FBXO40: variants seen among roughly 807,000 people sequenced by gnomAD.
FBXO40 encodes the protein F-box protein 40.
Under a neutral mutation model 49.9 loss-of-function variants are expected in FBXO40, and 50 were observed. The ratio of observed to expected loss-of-function variants is 1.00; its 90% CI spans 0.80 to 1.27. The LOEUF (loss-of-function observed/expected upper bound fraction) is 1.27, where lower values mean the gene tolerates loss of function less well. FBXO40 is among the 50% of genes most tolerant of loss of function. FBXO40 has a pLI of 0.00. For synonymous variants in FBXO40, 340 were observed against 320.2 expected, an observed-to-expected ratio of 1.06 and a Z score of -0.66; for missense variants, 895 against 870.1, an observed-to-expected ratio of 1.03 and a Z score of -0.36.
At chr3:121,618,386 G>GTTTTTT (rs34900150) in intron 1 of FBXO40, among the ~76,000 whole-genome samples, 2 of 120,266 alleles carry the variant, frequency 1.7e-5, no homozygotes, top group Non-Finnish European at 3.3e-5. Flanking sequence ...TTTCCTTCTT[G>GTTTTTT]TTTTTTTTTT....
chr3:121,621,719 T>C lies in FBXO40; in HGVS notation c.290T>C (p.Met97Thr), dbSNP rs2049032187. 1 of 1,614,216 alleles carries C rather than the reference T, an allele frequency of 6.2e-7. No individual in the cohort carries two copies. The highest frequency in any genetic ancestry group is 8.5e-7 in the Non-Finnish European group (1 of 1,180,018). Residue 97 changes from methionine to threonine, a missense_variant, in exon 3 of 4, where the codon ATG becomes ACG. Met to Thr is a moderately conservative substitution (Grantham distance 81). Coordinates refer to ENST00000338040, the MANE Select transcript of FBXO40 (RefSeq NM_016298.4). ...VCPASVVCCS[M>T]EWNRWPNVDS... ...CCCGCCAGCGTGGTCTGCTGCTCCA[T>C]GGAGTGGAACCGCTGGCCAAATGTG...
In FBXO40 at chr3:121,621,435, G is replaced by A. The variant is rs771915884; in HGVS notation, c.6G>A (p.Gly2=). Residue 2 remains glycine (G), a splice_region_variant and synonymous_variant, in exon 3 of 4, where the codon GGG becomes GGA. Coordinates refer to ENST00000338040, the MANE Select transcript of FBXO40 (RefSeq NM_016298.4). The stretch of plus-strand genomic sequence containing the variant: ...CCCCCTGTCCTTGGTGTGTCCAGGG[G>A]AAAGCCCGCAGATCCCCGCCAGGGC... The part of the protein sequence containing the change: M[G]KARRSPPGHH... 6.2e-7 allele frequency: 1 copy of A among 1,611,538 alleles called. No individual in the cohort carries two copies. Among genetic ancestry groups the A allele is most frequent in the Non-Finnish European group, 8.5e-7 (1 of 1,178,596 alleles).
chr3:121,619,689 A>AT (rs1474840061), intron 1 of FBXO40, among the ~76,000 whole-genome samples: 2 of 152,238 alleles, frequency 1.3e-5, no homozygotes, highest in African/African-American at 4.8e-5. Flanking sequence ...GCATTATGGG[A>AT]TAGGTACTAT....
chr3:121,614,181 C>T (rs1420276712), intron 1 of FBXO40, among the ~76,000 whole-genome samples: 5 of 150,152 alleles, frequency 3.3e-5, no homozygotes, highest in African/African-American at 4.9e-5. Context: ...GCAGGAGAAT[C>T]GCTTGAATCC....
chr3:121,616,084 C>T (rs1007515854), intron 1 of FBXO40, among the ~76,000 whole-genome samples: 1 of 152,200 alleles, frequency 6.6e-6, no homozygotes, highest in African/African-American at 2.4e-5. Context: ...GTCCAACCCT[C>T]TCAGCCACCC....
intron 1 of FBXO40, among the ~76,000 whole-genome samples, chr3:121,612,333 G>A (rs1000003261): frequency 1.3e-5 from 2 of 152,302 alleles, no homozygotes; most frequent in South Asian, 2.1e-4. Flanking sequence ...TTTGGGGAAC[G>A]AATGTAAGAC....
intron 1 of FBXO40, among the ~76,000 whole-genome samples, chr3:121,615,892 T>C (rs2048995108): frequency 1.3e-5 from 2 of 152,168 alleles, no homozygotes; most frequent in Non-Finnish European, 2.9e-5. Context: ...TGTGAGTGCC[T>C]CGCTATTCAC....
rs147922715 is a variant in FBXO40 at position 121,623,321 on chromosome 3, C to A, written c.1892C>A (p.Thr631Asn). The change falls in exon 3 of 4, where the codon ACC (threonine) becomes AAC (asparagine). Residue 631 changes from threonine to asparagine, a missense_variant. Physicochemically the swap from Thr to Asn is moderately conservative, Grantham distance 65. Transcript: ENST00000338040. The part of the protein sequence containing the change: ...WKKKRYSHGG[T>N]SWRVHREIWQ... ...AAAAAGAGGTATTCCCATGGAGGCACCTCCTGGAGAGTCCACAGAGAGGTA... is the reference window on the plus strand; with the variant it reads ...AAAAAGAGGTATTCCCATGGAGGCAACTCCTGGAGAGTCCACAGAGAGGTA... 6.2e-7 allele frequency: 1 copy of A among 1,613,978 alleles called. No individual in the cohort carries two copies. The highest frequency in any genetic ancestry group is 8.5e-7 in the Non-Finnish European group (1 of 1,179,896).
At chr3:121,624,880 A>T (rs1254975261) in intron 3 of FBXO40, among the ~76,000 whole-genome samples, 1 of 151,364 alleles carries the variant, frequency 6.6e-6, no homozygotes, top group African/African-American at 2.4e-5. Context: ...TCATTCCTTT[A>T]AAAAAAAATC....
intron 3 of FBXO40, among the ~76,000 whole-genome samples, chr3:121,625,419 T>G (rs888012004): frequency 1.3e-5 from 2 of 152,212 alleles, no homozygotes; most frequent in Admixed American, 1.3e-4. Flanking sequence ...GTCTAAAACA[T>G]TTTGTATGTT....
At chr3:121,597,721 GCA>G (rs2048879666) in intron 1 of FBXO40, among the ~76,000 whole-genome samples, 1 of 148,410 alleles carries the variant, frequency 6.7e-6, no homozygotes. Context: ...GAGTGCAGTG[GCA>G]TGATCTTGGC....
At chr3:121,606,837 C>T (rs1560128427) in intron 1 of FBXO40, among the ~76,000 whole-genome samples, 2 of 152,130 alleles carry the variant, frequency 1.3e-5, no homozygotes. Flanking sequence ...ATTGGGGTCT[C>T]CATGCAGAAT....
intron 1 of FBXO40, among the ~76,000 whole-genome samples, chr3:121,611,756 C>A (rs190065942): frequency 0.018 from 2,751 of 152,368 alleles, 50 homozygotes; most frequent in Middle Eastern, 0.092. Flanking sequence ...TTGGACAATA[C>A]CCCGCTTTCA....
At chr3:121,600,194 ATTTTTTTTT>A (rs71133558) in intron 1 of FBXO40, among the ~76,000 whole-genome samples, 3 of 88,396 alleles carry the variant, frequency 3.4e-5, no homozygotes, top group African/African-American at 1.4e-4. Context: ...CACTTGGCTG[ATTTTTTTTT>A]TTTTTTTTTT....
chr3:121,624,310 C>A (rs1468856366), intron 3 of FBXO40, among the ~76,000 whole-genome samples: 2 of 152,070 alleles, frequency 1.3e-5, no homozygotes, highest in Non-Finnish European at 2.9e-5. Flanking sequence ...TTTTATGTGC[C>A]AAGCAGGGTA....
At position 121,627,023 on chromosome 3, in the gene FBXO40, C is replaced by A; in HGVS notation, c.*113C>A. The A allele has an allele frequency of 1.0e-6, 1 of 962,768 alleles. No homozygotes were observed. Among genetic ancestry groups the A allele is most frequent in the Non-Finnish European group, 1.6e-6 (1 of 631,290 alleles). 59.6% of individuals were successfully genotyped at this position (962,768 alleles called of 1,614,324 possible). On this transcript the variant is annotated 3_prime_UTR_variant, in exon 4 of 4. Transcript: ENST00000338040. ...TTCTGTAAACTGCCTATTTGCTTAT[C>A]GGGGTGTATTGGAACACGCAATGTC...
At chr3:121,623,987 C>CTTTTT (rs371355210) in intron 3 of FBXO40, among the ~76,000 whole-genome samples, 1 of 96,038 alleles carries the variant, frequency 1.0e-5, no homozygotes, top group Non-Finnish European at 1.9e-5. Flanking sequence ...TGCACCTGGC[C>CTTTTT]TTTTTTTTTT....
In FBXO40 at chr3:121,622,107, C is replaced by T. The variant is rs769751719; in HGVS notation, c.678C>T (p.His226=). Residue 226 remains histidine (H), a synonymous_variant, in exon 3 of 4, where the codon CAC becomes CAT. Coordinates refer to ENST00000338040, the MANE Select transcript of FBXO40 (RefSeq NM_016298.4). ...GQWENIFSKE[H]AASALTNSSA... ...GGGAAAATATTTTCAGCAAAGAGCA[C>T]GCAGCCTCTGCTTTAACAAATTCAT... The T allele has an allele frequency of 4.0e-5, 64 of 1,614,070 alleles. No individual in the cohort carries two copies. Among genetic ancestry groups the T allele is most frequent in the Non-Finnish European group, 4.8e-5 (57 of 1,180,056 alleles).
At chr3:121,603,290 T>G (rs2048910514) in intron 1 of FBXO40, among the ~76,000 whole-genome samples, 1 of 152,234 alleles carries the variant, frequency 6.6e-6, no homozygotes, top group Non-Finnish European at 1.5e-5. Flanking sequence ...TATTGGAAAC[T>G]ACTCTGTTAC....
Sources: allele counts gnomAD v4.1 joint callset (sites outside exome capture counted in the v4.1 genomes callset), GRCh38; gene constraint gnomAD v4.1.1; transcripts MANE v1.5; gene names NCBI Gene and HGNC (gene_info 2026-07-23, HGNC 2026-07-21).